The following TSC1 variants were observed in gnomAD, a reference collection of about 807,000 sequenced individuals.
TSC1 encodes the protein TSC complex subunit 1, also known as hamartin.
Under a neutral mutation model 124.3 loss-of-function variants are expected in TSC1, and 20 were observed. The ratio of observed to expected loss-of-function variants is 0.16; its 90% CI spans 0.11 to 0.23. TSC1 has a LOEUF of 0.23. Ranked by LOEUF, TSC1 falls within the 10% of genes least tolerant of loss-of-function variation. The pLI is 1.00. For synonymous variants in TSC1, 493 were observed against 539.1 expected, an observed-to-expected ratio of 0.91 and a Z score of 1.19; for missense variants, 1,124 against 1,448.5, an observed-to-expected ratio of 0.78 and a Z score of 3.64.
intron 8 of TSC1, among the ~76,000 whole-genome samples, chr9:132,918,216 A>AAAAGTTTTTG (rs1846365521): frequency 2.0e-5 from 3 of 152,228 alleles, no homozygotes; most frequent in African/African-American, 7.2e-5. Flanking sequence ...TTGAAACTAA[A>AAAAGTTTTTG]AAACAGACAG....
chr9:132,922,594 C>T (rs949759152), intron 6 of TSC1, among the ~76,000 whole-genome samples: 1 of 152,196 alleles, frequency 6.6e-6, no homozygotes, highest in Admixed American at 6.5e-5. Context: ...TACCTAGACC[C>T]TGTGGAAACC....
Position 132,897,612 on chromosome 9 carries a change from T to TAAAAA in TSC1, c.2626-3_2626-2insTTTTT. On this transcript the variant is annotated splice_region_variant and splice_polypyrimidine_tract_variant and intron_variant, in intron 20 of 22. Transcript: ENST00000298552. ...GGCGGCTTTCATCATTTCTACTTCC[T>TAAAAA]GAAAAAAAAAAAAAAAAAAGACTGG... The TAAAAA allele has an allele frequency of 8.8e-6, 8 of 914,106 alleles. No individual in the cohort carries two copies. Among genetic ancestry groups the TAAAAA allele is most frequent in the Non-Finnish European group, 1.0e-5 (7 of 685,574 alleles). 56.6% of individuals were successfully genotyped at this position (914,106 alleles called of 1,614,324 possible).
In TSC1 at chr9:132,903,654, G is replaced by A; in HGVS notation, c.2205C>T (p.Ala735=). 6.2e-7 allele frequency: 1 copy of A among 1,612,216 alleles called. No homozygotes were observed. ...CTGTCCCCTCCCCAGTCCTCACCAT[G>A]GCAGCATTATGTTCCTCCAGAGCTG... ...KAAALEEHNA[A]MKDQLKLQEK... is the part of the protein sequence containing the mutation. The change falls in exon 17 of 23, where the codon GCC becomes GCT. Residue 735 remains alanine (A), a synonymous_variant. Coordinates refer to ENST00000298552, the MANE Select transcript of TSC1 (RefSeq NM_000368.5). The surrounding 1 kb of genome is among the most constrained non-coding windows in gnomAD (Gnocchi z 5.9).
intron 4 of TSC1, 131 bp downstream of exon 4, chr9:132,927,070 T>C: frequency 1.2e-6 from 1 of 860,542 alleles, no homozygotes; most frequent in Non-Finnish European, 1.9e-6. Flanking sequence ...AGTTATAAAC[T>C]GGGAACAATG....
chr9:132,897,540 G>A lies in TSC1; in HGVS notation c.2696C>T (p.Thr899Ile). The change falls in exon 21 of 23, where the codon ACT becomes ATT. Residue 899 changes from threonine (T) to isoleucine (I), a missense_variant. By Grantham distance (89) the Thr-to-Ile change is moderately conservative. This residue lies in a region of TSC1 where 325 missense variants were observed against 383.4 expected (regional missense o/e 0.85). Transcript: ENST00000298552. ...EKNRSHVLQQTQRLDTSQKRI... is the reference protein window; with the variant it reads ...EKNRSHVLQQIQRLDTSQKRI... The stretch of plus-strand genomic sequence containing the variant: ...TTTTTGGGAGGTATCAAGCCTCTGA[G>A]TCTGCTGGAGAACATGGCTTCTGTT... 1 of 1,597,948 alleles carries A rather than the reference G, an allele frequency of 6.3e-7. No individual in the cohort carries two copies.
chr9:132,900,411 CT>C, intron 20 of TSC1: 1 of 409,358 alleles, frequency 2.4e-6, no homozygotes, highest in Non-Finnish European at 4.6e-6. Context: ...CCCCATCCTT[CT>C]TTTTCTCTCT....
In TSC1 at chr9:132,901,642, CCTT is replaced by C. The variant is rs1564476060; in HGVS notation, c.2446_2448del (p.Lys816del). On this transcript the variant is annotated inframe_deletion, in exon 19 of 23. Coordinates refer to ENST00000298552, the MANE Select transcript of TSC1 (RefSeq NM_000368.5). ...TCAGTGTGACACACCTTGTTGTTGG[CCTT>C]CTTCAGTTCTATCCGCAGCTCCGCA... 1.2e-6 allele frequency: 2 copies of C among 1,614,120 alleles called. No homozygotes were observed. The highest frequency in any genetic ancestry group is 2.2e-5 in the East Asian group (1 of 44,886).
At position 132,908,901 on chromosome 9, in the gene TSC1, CT is replaced by C. The variant is rs35234317; in HGVS notation, c.1264-1532del. ...TTAAAACCCACTAGTCTACCTTGCA[CT>C]TTTTTTTTTTTTTTTTGTGACAGTC... On this transcript the variant is annotated intron_variant, in intron 12 of 22. Transcript: ENST00000298552. 1.9e-3 allele frequency among the ~76,000 whole-genome samples: 232 copies of C among 121,458 alleles called. 2 individuals are homozygous for C. Among genetic ancestry groups the C allele is most frequent in the Middle Eastern group, 4.3e-3 (1 of 232 alleles). The allele number at this position is 121,458 out of a possible 152,430, so 79.7% of individuals were successfully genotyped here.
chr9:132,901,503 AG>A, intron 19 of TSC1, 85 bp downstream of exon 19: 1 of 1,236,566 alleles, frequency 8.1e-7, no homozygotes, highest in Admixed American at 1.7e-5. Flanking sequence ...CAGACACTCA[AG>A]TAATCTATTT....
chr9:132,923,539 C>T lies in TSC1; in HGVS notation c.364-47G>A. 5 of 1,613,286 alleles carry T rather than the reference C, an allele frequency of 3.1e-6. No individual in the cohort carries two copies. The highest frequency in any genetic ancestry group is 4.2e-6 in the Non-Finnish European group (5 of 1,179,542). ...AGGAAACGTCTGTCAGGCACTGGCACCAGGATCGGCATTGTACAGTACATG... is the reference window on the plus strand; with the variant it reads ...AGGAAACGTCTGTCAGGCACTGGCATCAGGATCGGCATTGTACAGTACATG... On this transcript the variant is annotated intron_variant, in intron 5 of 22. Transcript: ENST00000298552. This position sits in a 1 kb window ranked among gnomAD's most constrained non-coding sequence, Gnocchi z 4.2.
rs1480408004 is a variant in TSC1, at chr9:132,897,634, C to T, written c.2626-24G>A. Reference sequence around the variant, plus strand: ...TCCTGAAAAAAAAAAAAAAAAAAGACTGGAATTAGTACTTATAAAAAATAA... The same window carrying T: ...TCCTGAAAAAAAAAAAAAAAAAAGATTGGAATTAGTACTTATAAAAAATAA... On this transcript the variant is annotated intron_variant, in intron 20 of 22. Coordinates refer to ENST00000298552, the MANE Select transcript of TSC1 (RefSeq NM_000368.5). The T allele has an allele frequency of 1.1e-5, 10 of 900,366 alleles. No homozygotes were observed. Among genetic ancestry groups the T allele is most frequent in the African/African-American group, 1.8e-5 (1 of 56,802 alleles). 55.8% of individuals were successfully genotyped at this position (900,366 alleles called of 1,614,324 possible). A position where few individuals can be genotyped will look rare whatever the true frequency, so the allele number is the denominator to read the frequency against.
chr9:132,902,475 T>C lies in TSC1; in HGVS notation c.2391+130A>G, dbSNP rs879703266. The C allele has an allele frequency of 5.7e-5, 70 of 1,221,728 alleles. No homozygotes were observed. In the Admixed American group the frequency reaches 1.2e-3, roughly 22 times the overall value. The allele number at this position is 1,221,728 out of a possible 1,614,324, so 75.7% of individuals were successfully genotyped here. A position where few individuals can be genotyped will look rare whatever the true frequency, so the allele number is the denominator to read the frequency against. ...CTGCCATGAAGAATTTCTGCCATGA[T>C]TTCAGAGAGAAAAGCATTCAGCTTA... On this transcript the variant is annotated intron_variant, in intron 18 of 22. Transcript: ENST00000298552. This position sits in a 1 kb window ranked among gnomAD's most constrained non-coding sequence, Gnocchi z 5.2.
At chr9:132,917,572 T>A (rs1205718840) in intron 8 of TSC1, among the ~76,000 whole-genome samples, 1 of 151,998 alleles carries the variant, frequency 6.6e-6, no homozygotes, top group East Asian at 1.9e-4. Flanking sequence ...CCTCAAGAGA[T>A]CCTCCCCCGT....
intron 13 of TSC1, 26 bp downstream of exon 13, chr9:132,907,274 AG>A: frequency 6.3e-7 from 1 of 1,591,924 alleles, no homozygotes; most frequent in Non-Finnish European, 8.6e-7. Context: ...GAGGCAAGCA[AG>A]GCCTGTAGTA....
chr9:132,922,084 C>G, intron 6 of TSC1, 111 bp from the exon 7 acceptor site: 1 of 1,258,674 alleles, frequency 7.9e-7, no homozygotes, highest in Non-Finnish European at 1.1e-6. Context: ...TGTATATTCC[C>G]ACCTCACTCC....
chr9:132,936,878 G>T (rs1305672419), intron 1 of TSC1, among the ~76,000 whole-genome samples: 1 of 152,228 alleles, frequency 6.6e-6, no homozygotes. Flanking sequence ...CTTGAACCAA[G>T]TTCTTAAATG....
At position 132,903,619 on chromosome 9, in the gene TSC1, C is replaced by T. The variant is rs913610578; in HGVS notation, c.2208+32G>A. On this transcript the variant is annotated intron_variant, in intron 17 of 22. Transcript: ENST00000298552. This position sits in a 1 kb window ranked among gnomAD's most constrained non-coding sequence, Gnocchi z 5.9. ...TGCTGACCCAAAACAAAACAAAAAG[C>T]AAGCTCCACCTGTCCCCTCCCCAGT... The T allele has an allele frequency of 1.2e-6, 2 of 1,611,756 alleles. No individual in the cohort carries two copies. Among genetic ancestry groups the T allele is most frequent in the Non-Finnish European group, 1.7e-6 (2 of 1,179,710 alleles).
chr9:132,913,901 T>G (rs908708705), intron 8 of TSC1, among the ~76,000 whole-genome samples: 14 of 136,550 alleles, frequency 1.0e-4, no homozygotes, highest in Middle Eastern at 6.7e-3. Context: ...GTTTTTTTTT[T>G]TTTTTTTTTT....
rs10491534 is a variant in TSC1 at position 132,894,301 on chromosome 9, T to C, written c.*1934A>G. 0.13 allele frequency: 28,987 copies of C among 231,140 alleles called. 2,186 individuals are homozygous for C. Among genetic ancestry groups the C allele is most frequent in the African/African-American group, 0.24 (10,808 of 45,258 alleles). 14.3% of individuals were successfully genotyped at this position (231,140 alleles called of 1,614,324 possible). ...TTTAAGTGCCTGGTATCTTGTTCTATGGCACAGATCTCTTGGGCATGAGGA... is the reference window on the plus strand; with the variant it reads ...TTTAAGTGCCTGGTATCTTGTTCTACGGCACAGATCTCTTGGGCATGAGGA... On this transcript the variant is annotated 3_prime_UTR_variant, in exon 23 of 23. Coordinates refer to ENST00000298552, the MANE Select transcript of TSC1 (RefSeq NM_000368.5).
Sources: gnomAD v4.1 joint callset for allele counts (sites outside exome capture counted in the v4.1 genomes callset) on GRCh38, gnomAD v4.1.1 for gene constraint, gnomAD v4.1.1 regional missense constraint, Gnocchi (gnomAD v3.1) non-coding constraint, MANE v1.5 for transcripts, NCBI Gene and HGNC (gene_info 2026-07-23, HGNC 2026-07-21) for gene names.